Variants in TAF3 observed in about 807,000 individuals in gnomAD.
TAF3 encodes the protein transcription initiation factor TFIID subunit 3.
Under a neutral mutation model 80.6 loss-of-function variants are expected in TAF3, and 7 were observed. The observed-to-expected ratio is 0.09, with a 90% confidence interval of 0.05 to 0.16. The LOEUF is 0.16. Among genes scored for constraint, TAF3 ranks in the 10% least tolerant of loss-of-function variants. The pLI is 1.00. For missense variants in TAF3, 921 were observed against 1,140.2 expected (o/e 0.81, Z 2.77); for synonymous variants, 444 against 446.1 (o/e 1.00, Z 0.06).
intron 1 of TAF3, 101 bp downstream of exon 1, chr10:7,818,976 C>T (rs1342772686): frequency 8.4e-7 from 1 of 1,184,490 alleles, no homozygotes; most frequent in African/African-American, 1.6e-5. Flanking sequence ...CATCCCGCAC[C>T]CCGCCTCGAG....
At chr10:7,884,526 A>T (rs533388793) in intron 2 of TAF3, among the ~76,000 whole-genome samples, 1 of 151,704 alleles carries the variant, frequency 6.6e-6, no homozygotes, top group Non-Finnish European at 1.5e-5. Flanking sequence ...AGCTAGGATT[A>T]TAGGCGCCCG....
intron 5 of TAF3, among the ~76,000 whole-genome samples, chr10:8,010,268 A>G (rs1370320114): frequency 6.6e-6 from 1 of 152,192 alleles, no homozygotes; most frequent in Non-Finnish European, 1.5e-5. Flanking sequence ...GAAAAGTTAC[A>G]TCACAATGTT....
At chr10:8,013,939 A>T in intron 6 of TAF3, 102 bp downstream of exon 6, 1 of 987,610 alleles carries the variant, frequency 1.0e-6, no homozygotes, top group Non-Finnish European at 1.6e-6. Context: ...GGACTGACCC[A>T]GGGCTGTCCT....
intron 5 of TAF3, 23 bp from the exon 6 acceptor site, chr10:8,013,708 C>G: frequency 1.2e-6 from 2 of 1,602,166 alleles, no homozygotes; most frequent in South Asian, 2.2e-5. Flanking sequence ...CCATTTTTGC[C>G]GCTTCCGCTT....
intron 2 of TAF3, among the ~76,000 whole-genome samples, chr10:7,889,644 C>T (rs1422565000): frequency 6.6e-6 from 1 of 152,208 alleles, no homozygotes; most frequent in Non-Finnish European, 1.5e-5. Flanking sequence ...CAGTGGCTTA[C>T]TGGGCAAATT....
intron 4 of TAF3, among the ~76,000 whole-genome samples, chr10:8,003,205 T>C (rs906691379): frequency 6.6e-6 from 1 of 151,926 alleles, no homozygotes; most frequent in Non-Finnish European, 1.5e-5. Context: ...AGTGGTTTTT[T>C]TTCTCTCTCT....
intron 4 of TAF3, among the ~76,000 whole-genome samples, chr10:7,993,525 T>C (rs186953736): frequency 6.6e-6 from 1 of 152,318 alleles, no homozygotes; most frequent in East Asian, 1.9e-4. Context: ...ACCAGATCTT[T>C]TGTTCAGCAG....
In TAF3 at chr10:7,818,523, T is replaced by C; in HGVS notation, c.-187T>C. On this transcript the variant is annotated 5_prime_UTR_variant, in exon 1 of 7. Coordinates refer to ENST00000344293, the MANE Select transcript of TAF3 (RefSeq NM_031923.4). ...GCCGTCCAGCGGGAGGCGGAGCGAGTCCAAAATGGCGGCTCTCAGGCTGGC... is the reference window on the plus strand; with the variant it reads ...GCCGTCCAGCGGGAGGCGGAGCGAGCCCAAAATGGCGGCTCTCAGGCTGGC... 3.8e-6 allele frequency: 2 copies of C among 531,964 alleles called. No homozygotes were observed. The highest frequency in any genetic ancestry group is 3.5e-5 in the East Asian group (1 of 28,856). 33.0% of individuals were successfully genotyped at this position (531,964 alleles called of 1,614,324 possible).
chr10:7,842,152 T>G (rs1021215857), intron 2 of TAF3, among the ~76,000 whole-genome samples: 14 of 115,018 alleles, frequency 1.2e-4, no homozygotes, highest in South Asian at 8.9e-4. Flanking sequence ...ATTAATATTG[T>G]TTTTTTTTTT....
chr10:7,953,876 CA>C (rs200028242), intron 2 of TAF3, among the ~76,000 whole-genome samples: 16,604 of 136,808 alleles, frequency 0.12, 1,482 homozygotes, highest in Middle Eastern at 0.22. Flanking sequence ...CTAGTTAACA[CA>C]GAGCTCTCCA....
At chr10:7,843,255 G>A (rs1302655249) in intron 2 of TAF3, among the ~76,000 whole-genome samples, 1 of 151,322 alleles carries the variant, frequency 6.6e-6, no homozygotes, top group Non-Finnish European at 1.5e-5. Flanking sequence ...CTACCAGCTT[G>A]CACCACCATG....
At chr10:7,831,638 C>G (rs1049574357) in intron 2 of TAF3, among the ~76,000 whole-genome samples, 2 of 152,200 alleles carry the variant, frequency 1.3e-5, no homozygotes, top group Admixed American at 1.3e-4. Context: ...GCTACCGTGC[C>G]CGGCCTCATT....
intron 2 of TAF3, among the ~76,000 whole-genome samples, chr10:7,856,605 G>A (rs1045878715): frequency 7.2e-5 from 11 of 152,252 alleles, no homozygotes; most frequent in Admixed American, 2.6e-4. Flanking sequence ...GTGACCATCC[G>A]TGTGACACTG....
intron 2 of TAF3, among the ~76,000 whole-genome samples, chr10:7,926,318 A>G (rs1314706131): frequency 6.6e-6 from 1 of 152,092 alleles, no homozygotes; most frequent in Non-Finnish European, 1.5e-5. Flanking sequence ...GATGTTGTAC[A>G]TTTTGTGAAT....
chr10:7,876,387 T>C (rs1837312042), intron 2 of TAF3, among the ~76,000 whole-genome samples: 1 of 152,204 alleles, frequency 6.6e-6, no homozygotes, highest in Non-Finnish European at 1.5e-5. Flanking sequence ...GGAACCCTTG[T>C]AAAGAGGTAT....
intron 4 of TAF3, among the ~76,000 whole-genome samples, chr10:8,005,401 T>C (rs184811992): frequency 3.9e-5 from 6 of 152,356 alleles, no homozygotes; most frequent in Admixed American, 3.9e-4. Context: ...CCTGGGCACA[T>C]TGCAAGTCCA....
At chr10:7,833,265 T>C (rs1836819876) in intron 2 of TAF3, among the ~76,000 whole-genome samples, 1 of 152,198 alleles carries the variant, frequency 6.6e-6, no homozygotes, top group East Asian at 1.9e-4. Flanking sequence ...ATTTTGAGTT[T>C]TTGGAGGAAA....
At chr10:7,870,675 G>A (rs1043461476) in intron 2 of TAF3, among the ~76,000 whole-genome samples, 1 of 152,058 alleles carries the variant, frequency 6.6e-6, no homozygotes, top group African/African-American at 2.4e-5. Flanking sequence ...GGCAGAACTC[G>A]ACACGCTTCT....
chr10:7,862,695 G>A (rs1345776404), intron 2 of TAF3, among the ~76,000 whole-genome samples: 1 of 152,148 alleles, frequency 6.6e-6, no homozygotes, highest in Non-Finnish European at 1.5e-5. Flanking sequence ...TCCCCAGGGG[G>A]ATCCCCAGGC....
Sources: allele counts gnomAD v4.1 joint callset (sites outside exome capture counted in the v4.1 genomes callset), GRCh38; gene constraint gnomAD v4.1.1; transcripts MANE v1.5; gene names NCBI Gene and HGNC (gene_info 2026-07-23, HGNC 2026-07-21).